ZNF880: variants seen among roughly 807,000 people sequenced by gnomAD.
ZNF880 encodes the protein zinc finger protein LOC400713.
A neutral mutation model predicts 11.8 loss-of-function variants in ZNF880; 12 were observed. That is an observed-to-expected ratio of 1.02 (90% CI 0.65 to 1.65). ZNF880 has a LOEUF of 1.65. Ranked by LOEUF, ZNF880 falls within the 40% of genes most tolerant of loss-of-function variation. The pLI is 0.00. For missense variants in ZNF880, 601 were observed against 673.9 expected, an observed-to-expected ratio of 0.89 and a Z score of 1.20; for synonymous variants, 210 against 232.4, an observed-to-expected ratio of 0.90 and a Z score of 0.88.
Position 52,384,721 on chromosome 19 carries a change from G to C in ZNF880, c.1141G>C (p.Glu381Gln). ...QRIHTGEKPY[E>Q]CKECGKVFRH... ...AATCCATACTGGAGAGAAACCTTAT[G>C]AATGTAAAGAATGTGGCAAGGTCTT... The change falls in exon 4 of 4, where the codon GAA (glutamate) becomes CAA (glutamine). Residue 381 changes from glutamate (E) to glutamine (Q), a missense_variant. Around this residue, in one of 3 missense-constraint regions of ZNF880, gnomAD observed 420 missense variants for 442.6 expected, o/e 0.95. Coordinates refer to ENST00000422689, the MANE Select transcript of ZNF880 (RefSeq NM_001145434.2). 1 of 1,441,012 alleles carries C rather than the reference G, an allele frequency of 6.9e-7. No homozygotes were observed. The highest frequency in any genetic ancestry group is 9.2e-7 in the Non-Finnish European group (1 of 1,089,182). 89.3% of individuals were successfully genotyped at this position (1,441,012 alleles called of 1,614,324 possible). A position where few individuals can be genotyped will look rare whatever the true frequency, so the allele number is the denominator to read the frequency against.
chr19:52,380,108 C>G (rs918395105), intron 3 of ZNF880: 3 of 151,886 alleles, frequency 2.0e-5, no homozygotes, highest in Non-Finnish European at 1.5e-5. Context: ...CCATGTTGGC[C>G]AGGCTGGTCT....
At chr19:52,379,465 G>T in intron 3 of ZNF880, 1 of 445,934 alleles carries the variant, frequency 2.2e-6, no homozygotes, top group Non-Finnish European at 4.5e-6. Flanking sequence ...CCGCGATCTC[G>T]GCTCACTGCA....
chr19:52,385,406 C>G lies in ZNF880; in HGVS notation c.*92C>G. On this transcript the variant is annotated 3_prime_UTR_variant, in exon 4 of 4. Transcript: ENST00000422689. The stretch of plus-strand genomic sequence containing the variant: ...GAGAGTTCTTACAAACTGAGTATGG[C>G]AAACTCTTCATGCTAAGTTCTAGCA... 1.5e-6 allele frequency: 2 copies of G among 1,352,012 alleles called. No homozygotes were observed. The highest frequency in any genetic ancestry group is 2.0e-6 in the Non-Finnish European group (2 of 994,690). 83.8% of individuals were successfully genotyped at this position (1,352,012 alleles called of 1,614,324 possible). A position where few individuals can be genotyped will look rare whatever the true frequency, so the allele number is the denominator to read the frequency against.
Position 52,383,943 on chromosome 19 carries a change from A to T in ZNF880, c.363A>T (p.Leu121=). ...AGTTACATCTGAGTGAACTGCAGCT[A>T]TTTCAAGCTGAAAGGAATATTTCTG... ...TFQLHLSELQ[L]FQAERNISGC... The change falls in exon 4 of 4, where the codon CTA becomes CTT. Residue 121 remains leucine, a synonymous_variant. Transcript: ENST00000422689. The T allele has an allele frequency of 6.4e-7, 1 of 1,557,696 alleles. No individual in the cohort carries two copies. The highest frequency in any genetic ancestry group is 8.7e-7 in the Non-Finnish European group (1 of 1,150,004).
At chr19:52,394,547 G>A in the ZNF880 span, among the ~76,000 whole-genome samples, 7 of 151,722 alleles carry the variant, frequency 4.6e-5, no homozygotes, top group South Asian at 2.1e-4. Context: ...TGAAATATAC[G>A]ATATTTTTGT....
intron 3 of ZNF880, among the ~76,000 whole-genome samples, chr19:52,376,491 GCACCGCC>G (rs1192009772): frequency 4.1e-4 from 20 of 49,328 alleles, no homozygotes; most frequent in Admixed American, 7.2e-4. Flanking sequence ...CATGTCCTTA[GCACCGCC>G]CCCCCCCCCC....
chr19:52,393,926 T>C, the ZNF880 span, among the ~76,000 whole-genome samples: 1 of 138,460 alleles, frequency 7.2e-6, no homozygotes, highest in Admixed American at 8.2e-5. Context: ...AAGCTCCGCC[T>C]CCTGAGTTCA....
At chr19:52,383,613 T>C (rs11084155) in intron 3 of ZNF880, among the ~76,000 whole-genome samples, 54,814 of 152,032 alleles carry the variant, frequency 0.36, 10,181 homozygotes, top group South Asian at 0.51. Flanking sequence ...TGTTGTATTT[T>C]TCTGCTCATA....
rs1986488487 is a variant in ZNF880, at chr19:52,374,311, C to G, written c.152C>G (p.Pro51Arg). Residue 51 changes from proline (P) to arginine (R), a missense_variant, in exon 3 of 4, where the codon CCT becomes CGT. Pro to Arg is a moderately radical substitution (Grantham distance 103, BLOSUM62 -2). Coordinates refer to ENST00000422689, the MANE Select transcript of ZNF880 (RefSeq NM_001145434.2). ...TTTTTTTAAATAGGAATCTGTCTTCCTGACCTGAGTGTTATCTCCATGTTG... is the reference window on the plus strand; with the variant it reads ...TTTTTTTAAATAGGAATCTGTCTTCGTGACCTGAGTGTTATCTCCATGTTG... Reference protein sequence around the residue: ...RNLVFLGICLPDLSVISMLEQ... With the variant: ...RNLVFLGICLRDLSVISMLEQ... The G allele has an allele frequency of 6.2e-7, 1 of 1,613,184 alleles. No individual in the cohort carries two copies. Among genetic ancestry groups the G allele is most frequent in the Non-Finnish European group, 8.5e-7 (1 of 1,179,752 alleles).
chr19:52,367,865 T>C (rs955661348), upstream of ZNF880: 21 of 151,974 alleles, frequency 1.4e-4, no homozygotes, highest in African/African-American at 5.1e-4. Flanking sequence ...TATATAGTAA[T>C]ATGACAAATA....
intron 3 of ZNF880, among the ~76,000 whole-genome samples, chr19:52,375,750 T>C (rs1232710814): frequency 6.6e-6 from 1 of 152,120 alleles, no homozygotes; most frequent in Non-Finnish European, 1.5e-5. Context: ...AATGTTTGGT[T>C]TTCCCTCAGG....
chr19:52,372,963 T>A, intron 1 of ZNF880, 148 bp from the exon 2 acceptor site: 3 of 559,204 alleles, frequency 5.4e-6, no homozygotes, highest in South Asian at 2.1e-5. Flanking sequence ...TGGAGAAGTA[T>A]ATTAAAACAC....
At chr19:52,378,308 C>T (rs1179665237) in intron 3 of ZNF880, among the ~76,000 whole-genome samples, 1 of 152,082 alleles carries the variant, frequency 6.6e-6, no homozygotes. Flanking sequence ...GTAGGTGGCT[C>T]TTCTGAGATT....
intron 3 of ZNF880, chr19:52,379,402 C>CTT (rs71304201): frequency 3.3e-3 from 1,221 of 369,026 alleles, no homozygotes; most frequent in South Asian, 5.5e-3. Flanking sequence ...TTTCATTTTT[C>CTT]TTTTTTTTTT....
At chr19:52,387,390 AG>A (rs1379349193), downstream of ZNF880, among the ~76,000 whole-genome samples, 1 of 144,232 alleles carries the variant, frequency 6.9e-6, no homozygotes, top group Non-Finnish European at 1.5e-5. Context: ...TTGTGTGCCA[AG>A]GAAGACTCAT....
At chr19:52,377,800 T>A (rs923923692) in intron 3 of ZNF880, among the ~76,000 whole-genome samples, 34 of 152,190 alleles carry the variant, frequency 2.2e-4, no homozygotes, top group African/African-American at 8.2e-4. Flanking sequence ...CACCTGTGTG[T>A]CTTCAGCATT....
intron 3 of ZNF880, among the ~76,000 whole-genome samples, chr19:52,382,738 T>C (rs1264568356): frequency 1.3e-5 from 2 of 152,232 alleles, no homozygotes. Flanking sequence ...ATAATTTCTG[T>C]ATAGTATGTC....
At chr19:52,368,657 C>T (rs184786944), upstream of ZNF880, among the ~76,000 whole-genome samples, 5 of 152,108 alleles carry the variant, frequency 3.3e-5, no homozygotes, top group Non-Finnish European at 5.9e-5. Context: ...AACTTAGTTA[C>T]AATTCACACC....
At chr19:52,395,600 G>C in the ZNF880 span, 1 of 152,196 alleles carries the variant, frequency 6.6e-6, no homozygotes, top group Non-Finnish European at 1.5e-5. Context: ...GCAGATACCT[G>C]GGATTCATGC....
Sources: allele counts gnomAD v4.1 joint callset (sites outside exome capture counted in the v4.1 genomes callset), GRCh38; gene constraint gnomAD v4.1.1; regional missense constraint gnomAD v4.1.1; transcripts MANE v1.5; gene names NCBI Gene and HGNC (gene_info 2026-07-23, HGNC 2026-07-21).